The following MRTFB variants were observed in gnomAD, a reference collection of about 807,000 sequenced individuals.
The protein encoded by MRTFB is myocardin related transcription factor B, also known as myocardin-related transcription factor B.
A neutral mutation model predicts 104.2 loss-of-function variants in MRTFB; 29 were observed. The ratio of observed to expected loss-of-function variants is 0.28; its 90% CI spans 0.21 to 0.38. MRTFB has a LOEUF of 0.38. Ranked by LOEUF, MRTFB falls within the 10% of genes least tolerant of loss-of-function variation. The probability of loss-of-function intolerance (pLI) is 1.00; values close to 1 mark genes in which losing one functional copy is unlikely to be tolerated. For synonymous variants in MRTFB, 535 were observed against 519.5 expected, an observed-to-expected ratio of 1.03 and a Z score of -0.41; for missense variants, 1,270 against 1,341.6, an observed-to-expected ratio of 0.95 and a Z score of 0.83.
intron 3 of MRTFB, 145 bp downstream of exon 3, chr16:14,140,905 T>C (rs908931231): frequency 1.5e-4 from 107 of 709,012 alleles, no homozygotes; most frequent in Non-Finnish European, 2.1e-4. Context: ...GGATGGTTTT[T>C]AATAACAGGC....
At chr16:14,009,035 A>G in the MRTFB span, among the ~76,000 whole-genome samples, 2 of 151,838 alleles carry the variant, frequency 1.3e-5, no homozygotes, top group African/African-American at 2.4e-5. Flanking sequence ...TGCAGCCTCA[A>G]TCTCCTGAGT....
At chr16:14,200,554 A>G (rs2040649082) in intron 3 of MRTFB, 12 of 1,606,194 alleles carry the variant, frequency 7.5e-6, no homozygotes, top group South Asian at 3.3e-5. Context: ...CCTGTATGGT[A>G]ACAATTATCT....
intron 3 of MRTFB, among the ~76,000 whole-genome samples, chr16:14,205,263 G>T (rs1011900735): frequency 6.6e-6 from 1 of 152,012 alleles, no homozygotes; most frequent in Non-Finnish European, 1.5e-5. Context: ...TGTGTGAAAA[G>T]ATTTTTTTTA....
chr16:14,130,759 A>T (rs1183305874), intron 2 of MRTFB, among the ~76,000 whole-genome samples: 1 of 152,060 alleles, frequency 6.6e-6, no homozygotes, highest in African/African-American at 2.4e-5. Context: ...TAAAGGAAAG[A>T]GCATGGCGCT....
chr16:14,073,236 C>T (rs1270859770), intron 1 of MRTFB, among the ~76,000 whole-genome samples: 1 of 152,138 alleles, frequency 6.6e-6, no homozygotes, highest in African/African-American at 2.4e-5. Flanking sequence ...GACTCTCGTA[C>T]CAGGCGAATC....
chr16:14,002,256 G>A, the MRTFB span, among the ~76,000 whole-genome samples: 1 of 152,072 alleles, frequency 6.6e-6, no homozygotes, highest in Non-Finnish European at 1.5e-5. Context: ...AGTTGGGGGT[G>A]CCTGTAATCC....
At chr16:14,062,851 G>A in the MRTFB span, among the ~76,000 whole-genome samples, 6 of 152,216 alleles carry the variant, frequency 3.9e-5, no homozygotes, top group East Asian at 1.9e-4. Context: ...CACTTTAGCC[G>A]CTGCTGCCGT....
chr16:14,240,888 G>A lies in MRTFB; in HGVS notation c.1079+404G>A, dbSNP rs563266085. 9.6e-5 allele frequency: 60 copies of A among 621,786 alleles called. No homozygotes were observed. In the African/African-American group the frequency reaches 1.0e-3, roughly 11 times the overall value. 38.5% of individuals were successfully genotyped at this position (621,786 alleles called of 1,614,324 possible). ...AAGGAAAGCCTGGTGGAAAAGACAG[G>A]ATCTTTGTATATAGAAGGCTCGAGA... On this transcript the variant is annotated intron_variant, in intron 10 of 16. Transcript: ENST00000571589.
At chr16:14,125,992 T>G (rs1180887465) in intron 2 of MRTFB, among the ~76,000 whole-genome samples, 2 of 152,224 alleles carry the variant, frequency 1.3e-5, no homozygotes, top group Non-Finnish European at 2.9e-5. Flanking sequence ...CTCAAACTTC[T>G]TAACTTCTCT....
At chr16:14,011,580 T>C in the MRTFB span, among the ~76,000 whole-genome samples, 1 of 152,246 alleles carries the variant, frequency 6.6e-6, no homozygotes, top group Non-Finnish European at 1.5e-5. Context: ...GAGCACAGAA[T>C]TCCTTTTAAA....
chr16:14,151,653 A>AT (rs2038621079), intron 3 of MRTFB: 1 of 152,210 alleles, frequency 6.6e-6, no homozygotes, highest in Non-Finnish European at 1.5e-5. Flanking sequence ...ATGTACCTTC[A>AT]TAACATTTGA....
At chr16:14,200,641 T>G in intron 3 of MRTFB, 1 of 1,571,718 alleles carries the variant, frequency 6.4e-7, no homozygotes, top group African/African-American at 1.3e-5. Context: ...GGAATCACGT[T>G]GATGAAGATG....
chr16:14,257,407 T>TA (rs1011218257), intron 15 of MRTFB, among the ~76,000 whole-genome samples: 6 of 151,896 alleles, frequency 4.0e-5, no homozygotes, highest in Non-Finnish European at 5.9e-5. Context: ...TACTCAGCAA[T>TA]AAAAAAATTA....
At chr16:14,118,120 CTT>C (rs371065251) in intron 2 of MRTFB, among the ~76,000 whole-genome samples, 11 of 135,452 alleles carry the variant, frequency 8.1e-5, no homozygotes, top group Non-Finnish European at 1.1e-4. Flanking sequence ...ATTCCCTCAT[CTT>C]TTTTTTTTTT....
chr16:14,048,059 G>T, the MRTFB span, among the ~76,000 whole-genome samples: 1 of 152,202 alleles, frequency 6.6e-6, no homozygotes, highest in East Asian at 1.9e-4. Flanking sequence ...TACAGGCATT[G>T]GATAAATACA....
intron 15 of MRTFB, 126 bp downstream of exon 15, chr16:14,252,628 T>G: frequency 8.7e-7 from 1 of 1,144,112 alleles, no homozygotes; most frequent in South Asian, 2.2e-5. Flanking sequence ...AAAAATAACC[T>G]TGTATTTTAC....
chr16:14,225,032 C>T (rs2041935195), intron 8 of MRTFB, among the ~76,000 whole-genome samples: 2 of 152,116 alleles, frequency 1.3e-5, no homozygotes, highest in South Asian at 4.2e-4. Context: ...ACTAAAAATA[C>T]AAAATTAGCC....
At chr16:14,159,144 G>T (rs533474961) in intron 3 of MRTFB, among the ~76,000 whole-genome samples, 59 of 151,944 alleles carry the variant, frequency 3.9e-4, no homozygotes, top group Non-Finnish European at 7.7e-4. Context: ...GTGTTCATGT[G>T]GATATTCATA....
At chr16:14,255,531 T>C (rs2043441424) in intron 15 of MRTFB, among the ~76,000 whole-genome samples, 1 of 152,230 alleles carries the variant, frequency 6.6e-6, no homozygotes, top group Admixed American at 6.5e-5. Flanking sequence ...TATTATCATG[T>C]TAAAATATCC....
Sources: gnomAD v4.1 joint callset for allele counts (sites outside exome capture counted in the v4.1 genomes callset) on GRCh38, gnomAD v4.1.1 for gene constraint, MANE v1.5 for transcripts, NCBI Gene and HGNC (gene_info 2026-07-23, HGNC 2026-07-21) for gene names.